MYZAP: variants seen among roughly 807,000 people sequenced by gnomAD.
MYZAP encodes GRINL1A complex locus upstream.
A neutral mutation model predicts 69.4 loss-of-function variants in MYZAP; 66 were observed. The ratio of observed to expected loss-of-function variants is 0.95; its 90% CI spans 0.78 to 1.17. The LOEUF is 1.17. MYZAP is among the 50% of genes most tolerant of loss of function. The probability of loss-of-function intolerance (pLI) is 0.00; values close to 1 mark genes in which losing one functional copy is unlikely to be tolerated. For missense variants in MYZAP, 611 were observed against 556.2 expected (o/e 1.10, Z -0.99); for synonymous variants, 256 against 205.9 (o/e 1.24, Z -2.09).
At chr15:57,615,749 A>G (rs1030911097) in intron 2 of MYZAP, among the ~76,000 whole-genome samples, 1 of 152,154 alleles carries the variant, frequency 6.6e-6, no homozygotes, top group Non-Finnish European at 1.5e-5. Context: ...TTAACAGCTC[A>G]GTTACCCAAA....
chr15:57,647,409 C>G lies in MYZAP; in HGVS notation c.1119+7864C>G, dbSNP rs202087014. On this transcript the variant is annotated intron_variant, in intron 10 of 12. Coordinates refer to ENST00000267853, the MANE Select transcript of MYZAP (RefSeq NM_001018100.5). ...TGTTACCTACACTGTTTTTTAGGGACGCCTTTATTGCTGTAATGTTTTTCT... is the reference window on the plus strand; with the variant it reads ...TGTTACCTACACTGTTTTTTAGGGAGGCCTTTATTGCTGTAATGTTTTTCT... The G allele has an allele frequency of 7.1e-6, 7 of 985,278 alleles. No homozygotes were observed. The East Asian group carries it at 7.9e-4, about 112-fold the overall frequency. 61.0% of individuals were successfully genotyped at this position (985,278 alleles called of 1,614,324 possible). A position where few individuals can be genotyped will look rare whatever the true frequency, so the allele number is the denominator to read the frequency against.
intron 11 of MYZAP, among the ~76,000 whole-genome samples, chr15:57,664,414 C>T (rs1356996862): frequency 1.4e-4 from 21 of 152,188 alleles, no homozygotes; most frequent in Admixed American, 1.4e-3. Flanking sequence ...AGGTGACATT[C>T]AAATACTTGG....
At chr15:57,623,937 A>C (rs1039590965) in intron 4 of MYZAP, among the ~76,000 whole-genome samples, 3 of 152,236 alleles carry the variant, frequency 2.0e-5, no homozygotes, top group African/African-American at 7.2e-5. Context: ...GGAAGAGAAG[A>C]TAAACATATC....
chr15:57,610,342 A>G (rs2035024986), intron 2 of MYZAP, among the ~76,000 whole-genome samples: 1 of 152,222 alleles, frequency 6.6e-6, no homozygotes, highest in Admixed American at 6.5e-5. Flanking sequence ...CCTTGGATGA[A>G]TAAGCCTGCT....
At chr15:57,664,455 C>G (rs1312217188) in intron 11 of MYZAP, among the ~76,000 whole-genome samples, 1 of 152,188 alleles carries the variant, frequency 6.6e-6, no homozygotes, top group Non-Finnish European at 1.5e-5. Context: ...ACTAGCTGAT[C>G]ATTTACACAC....
At chr15:57,678,003 A>G (rs1186403243) in intron 12 of MYZAP, among the ~76,000 whole-genome samples, 1 of 147,666 alleles carries the variant, frequency 6.8e-6, no homozygotes, top group Non-Finnish European at 1.5e-5. Context: ...TAGGAGTTCA[A>G]GACCAGCCTA....
At chr15:57,662,326 C>T (rs1312336471) in intron 11 of MYZAP, among the ~76,000 whole-genome samples, 2 of 152,174 alleles carry the variant, frequency 1.3e-5, no homozygotes, top group Non-Finnish European at 2.9e-5. Flanking sequence ...TATAGTCCTT[C>T]CACAGTGAGA....
intron 10 of MYZAP, among the ~76,000 whole-genome samples, chr15:57,643,238 C>A (rs1460270930): frequency 1.3e-5 from 2 of 152,198 alleles, no homozygotes; most frequent in Non-Finnish European, 2.9e-5. Context: ...AGATACCCAC[C>A]AGCACCCGCT....
intron 10 of MYZAP, among the ~76,000 whole-genome samples, chr15:57,658,083 C>T (rs777906848): frequency 6.6e-6 from 1 of 152,056 alleles, no homozygotes; most frequent in Non-Finnish European, 1.5e-5. Flanking sequence ...CATTTTTTGA[C>T]ACCATGTGAA....
chr15:57,641,493 A>T (rs1366444191), intron 10 of MYZAP, among the ~76,000 whole-genome samples: 1 of 152,214 alleles, frequency 6.6e-6, no homozygotes, highest in Non-Finnish European at 1.5e-5. Context: ...CTGTGATTTC[A>T]TATCTTCCAG....
chr15:57,631,977 C>T (rs1253404436), intron 6 of MYZAP, among the ~76,000 whole-genome samples: 1 of 152,184 alleles, frequency 6.6e-6, no homozygotes, highest in Non-Finnish European at 1.5e-5. Context: ...TAAGCCAGGC[C>T]TGCTTCAGTA....
intron 6 of MYZAP, among the ~76,000 whole-genome samples, chr15:57,631,917 C>A (rs1037264073): frequency 5.9e-5 from 9 of 152,150 alleles, no homozygotes; most frequent in Admixed American, 2.6e-4. Context: ...CCAGCCACCA[C>A]CAACCTAAGC....
chr15:57,626,884 C>T (rs1345731326), intron 5 of MYZAP, among the ~76,000 whole-genome samples: 1 of 152,206 alleles, frequency 6.6e-6, no homozygotes, highest in Non-Finnish European at 1.5e-5. Context: ...ATGCCCATTT[C>T]TGGTGGGGCT....
At chr15:57,605,234 G>T (rs975588852) in intron 2 of MYZAP, among the ~76,000 whole-genome samples, 1 of 152,170 alleles carries the variant, frequency 6.6e-6, no homozygotes, top group Admixed American at 6.5e-5. Flanking sequence ...GACAAGAATG[G>T]AAGTAAACAA....
intron 1 of MYZAP, among the ~76,000 whole-genome samples, chr15:57,594,824 T>C (rs535225246): frequency 1.7e-3 from 257 of 152,326 alleles, no homozygotes; most frequent in Non-Finnish European, 2.9e-3. Context: ...GTCCTGAAAG[T>C]AAAATTGTAG....
chr15:57,677,456 C>G (rs1031837966), intron 12 of MYZAP, among the ~76,000 whole-genome samples: 1 of 152,154 alleles, frequency 6.6e-6, no homozygotes, highest in African/African-American at 2.4e-5. Flanking sequence ...CTTCTTGAGT[C>G]TTGGTGCAGT....
At chr15:57,654,823 C>G (rs1351183995) in intron 10 of MYZAP, among the ~76,000 whole-genome samples, 2 of 151,898 alleles carry the variant, frequency 1.3e-5, no homozygotes, top group African/African-American at 2.4e-5. Context: ...CATTTTTGTA[C>G]AATTTCACTT....
At chr15:57,623,031 T>G (rs2035911970) in intron 4 of MYZAP, among the ~76,000 whole-genome samples, 1 of 152,220 alleles carries the variant, frequency 6.6e-6, no homozygotes, top group African/African-American at 2.4e-5. Context: ...GAAAGATTTG[T>G]AACAGGTAAT....
rs2140554210 is a variant in MYZAP at position 57,662,674 on chromosome 15, C to T, written c.1203+1141C>T. ...CCCTCTTTATTAAAAGGGACACCCT[C>T]TGAGTTAGATGATATTTTCCCCCTT... On this transcript the variant is annotated intron_variant, in intron 11 of 12. Transcript: ENST00000267853. Among the ~76,000 whole-genome samples the T allele has an allele frequency of 2.6e-5, 4 of 152,314 alleles. 1 individual carries two copies. In the South Asian group the frequency reaches 8.3e-4, roughly 32 times the overall value.
Sources: gnomAD v4.1 joint callset for allele counts (sites outside exome capture counted in the v4.1 genomes callset) on GRCh38, gnomAD v4.1.1 for gene constraint, MANE v1.5 for transcripts, NCBI Gene and HGNC (gene_info 2026-07-23, HGNC 2026-07-21) for gene names.